ANKRD60: variants seen among roughly 807,000 people sequenced by gnomAD.
The protein encoded by ANKRD60 is ankyrin repeat domain 60.
ANKRD60 carries 24 observed loss-of-function variants against 21.3 expected under a neutral mutation model. That is an observed-to-expected ratio of 1.13 (90% CI 0.82 to 1.59). ANKRD60 has a LOEUF of 1.59. ANKRD60 is among the 40% of genes most tolerant of loss of function. ANKRD60 has a pLI of 0.00. For synonymous variants in ANKRD60, 182 were observed against 199.4 expected (o/e 0.91, Z 0.74); for missense variants, 490 against 466.7 (o/e 1.05, Z -0.46).
At chr20:58,225,908 C>T (rs1016258451) in intron 1 of ANKRD60, among the ~76,000 whole-genome samples, 1 of 152,134 alleles carries the variant, frequency 6.6e-6, no homozygotes, top group Non-Finnish European at 1.5e-5. Context: ...TAGGGAAAGC[C>T]ACGCCTTCGG....
chr20:58,223,311 T>G, intron 1 of ANKRD60, 129 bp from the exon 2 acceptor site: 1 of 830,682 alleles, frequency 1.2e-6, no homozygotes, highest in Non-Finnish European at 1.8e-6. Flanking sequence ...AATACAAATC[T>G]CATTTGATGG....
At chr20:58,216,186 T>C (rs541584672), downstream of ANKRD60, among the ~76,000 whole-genome samples, 11 of 152,182 alleles carry the variant, frequency 7.2e-5, no homozygotes, top group Non-Finnish European at 1.0e-4. Flanking sequence ...TGAATATAAA[T>C]AGAATGTCAG....
chr20:58,218,085 G>A (rs183420447), downstream of ANKRD60, among the ~76,000 whole-genome samples: 5 of 152,172 alleles, frequency 3.3e-5, no homozygotes, highest in Admixed American at 6.5e-5. Flanking sequence ...CACTACACAC[G>A]ACCTCCTGAC....
downstream of ANKRD60, among the ~76,000 whole-genome samples, chr20:58,216,422 G>A (rs1984138189): frequency 6.6e-6 from 1 of 152,202 alleles, no homozygotes; most frequent in African/African-American, 2.4e-5. Context: ...CAGAGCTCCT[G>A]GCAAATGCAC....
At position 58,228,532 on chromosome 20, in the gene ANKRD60, G is replaced by A. The variant is rs1442279706; in HGVS notation, c.122C>T (p.Ala41Val). 6.0e-6 allele frequency: 8 copies of A among 1,339,092 alleles called. No homozygotes were observed. In the African/African-American group the frequency reaches 7.7e-5, roughly 13 times the overall value. The allele number at this position is 1,339,092 out of a possible 1,614,324, so 83.0% of individuals were successfully genotyped here. The stretch of plus-strand genomic sequence containing the variant: ...GCCGCACCCCTGAGCCCCGGCCCGC[G>A]CACCGCTCCTGCGTCCCGCATTGGG... The change falls in exon 1 of 4, where the codon GCG (alanine) becomes GTG (valine). Residue 41 changes from alanine to valine, a missense_variant. Coordinates refer to ENST00000457363, the Ensembl canonical transcript of ANKRD60. This position sits in a 1 kb window ranked among gnomAD's most constrained non-coding sequence, Gnocchi z 5.3.
At chr20:58,226,372 T>C (rs758733133) in intron 1 of ANKRD60, among the ~76,000 whole-genome samples, 5 of 151,886 alleles carry the variant, frequency 3.3e-5, no homozygotes, top group African/African-American at 1.2e-4. Flanking sequence ...ATTTGGAGGG[T>C]AGGAATCGAG....
chr20:58,219,348 G>C (rs1279487877), intron 3 of ANKRD60, among the ~76,000 whole-genome samples: 2 of 152,134 alleles, frequency 1.3e-5, no homozygotes, highest in East Asian at 3.9e-4. Context: ...TCACAACACT[G>C]TGTACATCAT....
At chr20:58,217,280 T>C (rs1261947799), downstream of ANKRD60, among the ~76,000 whole-genome samples, 3 of 151,944 alleles carry the variant, frequency 2.0e-5, no homozygotes, top group African/African-American at 4.8e-5. Flanking sequence ...AATACAAAAA[T>C]TAGCCAGGCA....
chr20:58,228,568 G>C lies in ANKRD60; in HGVS notation c.86C>G (p.Ser29Cys), dbSNP rs146771462. The C allele has an allele frequency of 0.046, 56,342 of 1,213,870 alleles. 1,402 individuals carry two copies. The highest frequency in any genetic ancestry group is 0.051 in the Non-Finnish European group (49,924 of 977,392). 75.2% of individuals were successfully genotyped at this position (1,213,870 alleles called of 1,614,324 possible). A position where few individuals can be genotyped will look rare whatever the true frequency, so the allele number is the denominator to read the frequency against. ...GCGTCCCGCATTGGGGTGCAGGCGAGAGGCGCCCCCAGTTGGCCCCGCCGC... is the reference window on the plus strand; with the variant it reads ...GCGTCCCGCATTGGGGTGCAGGCGACAGGCGCCCCCAGTTGGCCCCGCCGC... The change falls in exon 1 of 4, where the codon TCT (serine) becomes TGT (cysteine). Residue 29 changes from serine (S) to cysteine (C), a missense_variant. By Grantham distance (112) the Ser-to-Cys change is moderately radical (BLOSUM62 -1). Coordinates refer to ENST00000457363, the Ensembl canonical transcript of ANKRD60. This position sits in a 1 kb window ranked among gnomAD's most constrained non-coding sequence, Gnocchi z 5.3.
intron 1 of ANKRD60, among the ~76,000 whole-genome samples, chr20:58,225,396 AAC>A (rs1351877375): frequency 6.6e-6 from 1 of 152,196 alleles, no homozygotes; most frequent in Non-Finnish European, 1.5e-5. Context: ...GTAGGCTCAA[AAC>A]ACATTTCTTT....
Position 58,228,407 on chromosome 20 carries a change from C to T in ANKRD60, c.247G>A (p.Ala83Thr), listed in dbSNP as rs756924527. ...GGGGCCAAGTCGGGCAAGGCACTCGCGGCCTTCGGGTCACAGACGAGCCGC... is the reference window on the plus strand; with the variant it reads ...GGGGCCAAGTCGGGCAAGGCACTCGTGGCCTTCGGGTCACAGACGAGCCGC... Residue 83 changes from alanine (A) to threonine (T), a missense_variant, in exon 1 of 4, where the codon GCG (alanine) becomes ACG (threonine). By Grantham distance (58) the Ala-to-Thr change is moderately conservative. Coordinates refer to ENST00000457363, the Ensembl canonical transcript of ANKRD60. This position sits in a 1 kb window ranked among gnomAD's most constrained non-coding sequence, Gnocchi z 5.3. 34 of 1,543,612 alleles carry T rather than the reference C, an allele frequency of 2.2e-5. No individual in the cohort carries two copies. The South Asian group carries it at 2.6e-4, about 12-fold the overall frequency.
At chr20:58,223,599 T>C (rs1349204405) in intron 1 of ANKRD60, among the ~76,000 whole-genome samples, 2 of 152,314 alleles carry the variant, frequency 1.3e-5, no homozygotes, top group South Asian at 2.1e-4. Flanking sequence ...TTGGATAATG[T>C]CATTACCTGG....
At chr20:58,227,453 G>A (rs1332390774) in intron 1 of ANKRD60, among the ~76,000 whole-genome samples, 1 of 152,104 alleles carries the variant, frequency 6.6e-6, no homozygotes, top group African/African-American at 2.4e-5. Context: ...TTGGGGTTCA[G>A]TTGGGCATGT....
intron 1 of ANKRD60, among the ~76,000 whole-genome samples, chr20:58,225,613 C>T (rs1006631046): frequency 1.3e-5 from 2 of 152,110 alleles, no homozygotes; most frequent in African/African-American, 2.4e-5. Flanking sequence ...CTCTGTGTTA[C>T]GGATTAGGAA....
At chr20:58,218,368 AATTTCGT>A (rs1288858541), downstream of ANKRD60, 7 of 912,472 alleles carry the variant, frequency 7.7e-6, no homozygotes, top group Non-Finnish European at 8.2e-6. Context: ...CAGGACAGAT[AATTTCGT>A]ATCTGATTCA....
At chr20:58,221,620 T>C in intron 2 of ANKRD60, 117 bp from the exon 3 acceptor site, 1 of 1,203,906 alleles carries the variant, frequency 8.3e-7, no homozygotes, top group South Asian at 1.5e-5. Context: ...AGGCTCATGA[T>C]GGGAAAAGAG....
chr20:58,220,835 G>A (rs1403465953), intron 3 of ANKRD60, among the ~76,000 whole-genome samples: 1 of 152,022 alleles, frequency 6.6e-6, no homozygotes, highest in Non-Finnish European at 1.5e-5. Context: ...CACCAGGCTG[G>A]TTGGCCAGGC....
At chr20:58,217,848 ATCT>A (rs1984165607), downstream of ANKRD60, among the ~76,000 whole-genome samples, 1 of 152,178 alleles carries the variant, frequency 6.6e-6, no homozygotes, top group Non-Finnish European at 1.5e-5. Context: ...CCTGATTCTC[ATCT>A]TCTTTTACAC....
chr20:58,223,100 G>T, exon 2 of ANKRD60: 1 of 1,551,752 alleles, frequency 6.4e-7, no homozygotes, highest in Non-Finnish European at 8.7e-7. Flanking sequence ...CTGTCCATCC[G>T]TCATGATGCC....
Sources: gnomAD v4.1 joint callset for allele counts (sites outside exome capture counted in the v4.1 genomes callset) on GRCh38, gnomAD v4.1.1 for gene constraint, Gnocchi (gnomAD v3.1) non-coding constraint, MANE v1.5 for transcripts, NCBI Gene and HGNC (gene_info 2026-07-23, HGNC 2026-07-21) for gene names.